NRDC: variants seen among roughly 807,000 people sequenced by gnomAD.
NRDC encodes nardilysin.
NRDC carries 54 observed loss-of-function variants against 147.1 expected under a neutral mutation model. That is an observed-to-expected ratio of 0.37 (90% CI 0.29 to 0.46). The LOEUF (loss-of-function observed/expected upper bound fraction) is 0.46. NRDC is among the 20% of genes least tolerant of loss of function. The pLI is 1.00. For synonymous variants in NRDC, 440 were observed against 482.1 expected (o/e 0.91, Z 1.14); for missense variants, 1,082 against 1,370.6 (o/e 0.79, Z 3.33).
Position 51,857,957 on chromosome 1 carries a change from T to C in NRDC, c.342-17443A>G, listed in dbSNP as rs553613798. Reference sequence around the variant, plus strand: ...TTAGTATCTGAAGAACACCGTATTCTACCTTCTAGCTATAAGGTAGAATGT... The same window carrying C: ...TTAGTATCTGAAGAACACCGTATTCCACCTTCTAGCTATAAGGTAGAATGT... On this transcript the variant is annotated intron_variant, in intron 1 of 30. Transcript: ENST00000352171. Among the ~76,000 whole-genome samples, 3 of 152,330 alleles carry C rather than the reference T, an allele frequency of 2.0e-5. No individual in the cohort carries two copies. In the South Asian group the frequency reaches 6.2e-4, roughly 32 times the overall value.
chr1:51,810,083 AT>A (rs1679644674), intron 16 of NRDC, among the ~76,000 whole-genome samples, 197 bp downstream of exon 16: 1 of 152,080 alleles, frequency 6.6e-6, no homozygotes, highest in African/African-American at 2.4e-5. Flanking sequence ...AGATAACAGA[AT>A]TTTTTCACTA....
chr1:51,794,824 C>T lies in NRDC; in HGVS notation c.2635G>A (p.Asp879Asn). Reference sequence around the variant, plus strand: ...CAAAGAGAAAATTCAAATACTTACTCAACAACATATTTCAGGAAATCCATA... The same window carrying T: ...CAAAGAGAAAATTCAAATACTTACTTAACAACATATTTCAGGAAATCCATA... ...ESMDFLKYVVDKLNFKPLEQE... is the reference protein window; with the variant it reads ...ESMDFLKYVVNKLNFKPLEQE... Residue 879 changes from aspartate to asparagine, a missense_variant and splice_region_variant, in exon 23 of 31, where the codon GAC becomes AAC. By Grantham distance (23) the Asp-to-Asn change is conservative (BLOSUM62 1). Around this residue, in one of 3 missense-constraint regions of NRDC, gnomAD observed 635 missense variants for 923.8 expected, o/e 0.69. Transcript: ENST00000352171. 6.2e-7 allele frequency: 1 copy of T among 1,613,994 alleles called. No homozygotes were observed.
intron 1 of NRDC, among the ~76,000 whole-genome samples, chr1:51,846,569 C>G (rs191215262): frequency 6.6e-5 from 10 of 152,306 alleles, no homozygotes; most frequent in African/African-American, 2.4e-4. Flanking sequence ...TTCCAATGTT[C>G]GGATGTGTTC....
intron 1 of NRDC, among the ~76,000 whole-genome samples, chr1:51,863,027 A>AAC (rs1228965515): frequency 6.7e-6 from 1 of 150,148 alleles, no homozygotes; most frequent in East Asian, 1.9e-4. Context: ...AAAAAAAAAA[A>AAC]AAAAAAAAAA....
At chr1:51,824,579 G>A (rs1680361774) in intron 6 of NRDC, among the ~76,000 whole-genome samples, 1 of 152,016 alleles carries the variant, frequency 6.6e-6, no homozygotes, top group Non-Finnish European at 1.5e-5. Context: ...TTAATATGAG[G>A]CTGTAACTAA....
chr1:51,836,086 G>A (rs1680957648), intron 3 of NRDC, 45 bp downstream of exon 3: 1 of 1,424,464 alleles, frequency 7.0e-7, no homozygotes, highest in African/African-American at 1.4e-5. Context: ...TAAGTTTGGA[G>A]GGGGGAAAAA....
chr1:51,844,944 A>C (rs1681478868), intron 1 of NRDC, among the ~76,000 whole-genome samples: 1 of 152,078 alleles, frequency 6.6e-6, no homozygotes, highest in Non-Finnish European at 1.5e-5. Flanking sequence ...CTGTTATTTA[A>C]GCTACTCTGT....
At chr1:51,791,962 G>C (rs1380010072) in intron 26 of NRDC, 84 bp downstream of exon 26, 1 of 1,386,662 alleles carries the variant, frequency 7.2e-7, no homozygotes, top group African/African-American at 1.4e-5. Context: ...CTAACAGGCT[G>C]CTCAGTAGGG....
intron 6 of NRDC, among the ~76,000 whole-genome samples, chr1:51,824,311 A>G (rs142209210): frequency 0.018 from 2,731 of 152,088 alleles, 81 homozygotes; most frequent in African/African-American, 0.063. Context: ...TTTTCAGTAG[A>G]GACGGGGTTT....
intron 1 of NRDC, among the ~76,000 whole-genome samples, chr1:51,844,102 T>C (rs929112100): frequency 5.3e-5 from 8 of 152,060 alleles, no homozygotes; most frequent in African/African-American, 1.9e-4. Flanking sequence ...AACTCTCTGT[T>C]TCCATTCTAA....
intron 1 of NRDC, chr1:51,877,930 A>T (rs1008780179): frequency 2.4e-6 from 2 of 826,842 alleles, no homozygotes; most frequent in Non-Finnish European, 3.1e-6. Context: ...TCCAAATTAA[A>T]GTATCCAACT....
At chr1:51,841,446 C>T (rs1681262356) in intron 1 of NRDC, among the ~76,000 whole-genome samples, 1 of 152,062 alleles carries the variant, frequency 6.6e-6, no homozygotes. Flanking sequence ...TAGCTGGGAT[C>T]ACAGGCACAG....
At chr1:51,872,350 A>G (rs559092217) in intron 1 of NRDC, among the ~76,000 whole-genome samples, 1 of 152,248 alleles carries the variant, frequency 6.6e-6, no homozygotes, top group African/African-American at 2.4e-5. Flanking sequence ...ACACACACAC[A>G]CAACTTCAGT....
chr1:51,816,657 C>T (rs1374951983), intron 10 of NRDC, among the ~76,000 whole-genome samples: 1 of 152,198 alleles, frequency 6.6e-6, no homozygotes, highest in African/African-American at 2.4e-5. Context: ...CCAAACTTAT[C>T]TGCTCTCATG....
intron 7 of NRDC, among the ~76,000 whole-genome samples, chr1:51,823,154 C>T (rs1329961850): frequency 2.0e-5 from 3 of 152,126 alleles, no homozygotes; most frequent in Non-Finnish European, 2.9e-5. Flanking sequence ...TCAGTCTTTA[C>T]ATTTAAGATA....
intron 14 of NRDC, among the ~76,000 whole-genome samples, chr1:51,813,719 C>A (rs960527245): frequency 5.9e-5 from 9 of 151,914 alleles, no homozygotes; most frequent in African/African-American, 1.9e-4. Context: ...ATTTGAATTC[C>A]CAAAATATTA....
chr1:51,840,273 C>T lies in NRDC; in HGVS notation c.583G>A (p.Glu195Lys). ...CTAGCTTCTGCTCTCTCTTCTAATTCTTCCAATTCATTATCCTCAGTATCA... is the reference window on the plus strand; with the variant it reads ...CTAGCTTCTGCTCTCTCTTCTAATTTTTCCAATTCATTATCCTCAGTATCA... ...DLDTEDNELE[E>K]LEERAEARKK... The change falls in exon 2 of 31, where the codon GAA becomes AAA. Residue 195 changes from glutamate to lysine, a missense_variant. Physicochemically the swap from Glu to Lys is moderately conservative, Grantham distance 56. Transcript: ENST00000352171. 6.2e-7 allele frequency: 1 copy of T among 1,608,634 alleles called. No homozygotes were observed. Among genetic ancestry groups the T allele is most frequent in the Non-Finnish European group, 8.5e-7 (1 of 1,176,488 alleles).
At chr1:51,822,466 A>T (rs552694971) in intron 7 of NRDC, among the ~76,000 whole-genome samples, 6 of 152,304 alleles carry the variant, frequency 3.9e-5, no homozygotes, top group Admixed American at 2.0e-4. Flanking sequence ...ACCTGAGCCC[A>T]GGCATTTGAG....
At chr1:51,804,433 C>G (rs866566201) in intron 19 of NRDC, among the ~76,000 whole-genome samples, 18 of 151,680 alleles carry the variant, frequency 1.2e-4, no homozygotes, top group South Asian at 4.2e-4. Context: ...GTATCTCCTA[C>G]GTTCAGACAC....
Sources: gnomAD v4.1 joint callset for allele counts (sites outside exome capture counted in the v4.1 genomes callset) on GRCh38, gnomAD v4.1.1 for gene constraint, gnomAD v4.1.1 regional missense constraint, MANE v1.5 for transcripts, NCBI Gene and HGNC (gene_info 2026-07-23, HGNC 2026-07-21) for gene names.